CAMTA1: variants seen among roughly 807,000 people sequenced by gnomAD.
CAMTA1 encodes calmodulin-binding transcription activator 1.
In CAMTA1, 27 loss-of-function variants were observed where a neutral mutation model predicts 170.9. That is an observed-to-expected ratio of 0.16 (90% CI 0.12 to 0.22). The LOEUF (loss-of-function observed/expected upper bound fraction) is 0.22, where lower values mean the gene tolerates loss of function less well. CAMTA1 is among the 10% of genes least tolerant of loss of function. The probability of loss-of-function intolerance (pLI) is 1.00; values close to 1 mark genes in which losing one functional copy is unlikely to be tolerated. For synonymous variants in CAMTA1, 833 were observed against 891.5 expected, an observed-to-expected ratio of 0.93 and a Z score of 1.17; for missense variants, 1,619 against 2,217.2, an observed-to-expected ratio of 0.73 and a Z score of 5.42.
intron 3 of CAMTA1, among the ~76,000 whole-genome samples, chr1:7,032,194 A>G (rs890754255): frequency 6.6e-6 from 1 of 151,886 alleles, no homozygotes; most frequent in Non-Finnish European, 1.5e-5. Context: ...TGAACTCCTG[A>G]TCTCAAGAAA....
intron 5 of CAMTA1, among the ~76,000 whole-genome samples, chr1:7,317,835 A>G (rs1304872694): frequency 2.0e-5 from 3 of 152,204 alleles, no homozygotes; most frequent in Non-Finnish European, 4.4e-5. Flanking sequence ...GCATTGGTTA[A>G]AAAAAATAAT....
At chr1:6,869,592 A>G (rs1667794612) in intron 3 of CAMTA1, among the ~76,000 whole-genome samples, 1 of 152,330 alleles carries the variant, frequency 6.6e-6, no homozygotes, top group South Asian at 2.1e-4. Context: ...TGTGAGGGAC[A>G]TAGTAAACTC....
chr1:7,677,846 G>A, intron 11 of CAMTA1, 113 bp downstream of exon 11: 2 of 1,278,358 alleles, frequency 1.6e-6, no homozygotes, highest in Non-Finnish European at 2.1e-6. Flanking sequence ...AGGAAGTGGT[G>A]CCAATGTGAG....
intron 3 of CAMTA1, among the ~76,000 whole-genome samples, chr1:6,921,355 A>G (rs956149903): frequency 1.3e-5 from 2 of 152,326 alleles, no homozygotes; most frequent in East Asian, 1.9e-4. Flanking sequence ...GACCACCTCA[A>G]CCTGGACCTT....
At chr1:7,163,334 C>T (rs543982320) in intron 4 of CAMTA1, among the ~76,000 whole-genome samples, 29 of 94,070 alleles carry the variant, frequency 3.1e-4, no homozygotes, top group South Asian at 1.0e-3. Context: ...GACCAAGGAG[C>T]GGGAGGCCGG....
chr1:7,384,117 C>A (rs565731365), intron 5 of CAMTA1, among the ~76,000 whole-genome samples: 5 of 152,232 alleles, frequency 3.3e-5, no homozygotes, highest in Admixed American at 6.5e-5. Context: ...AAAGCTGTGG[C>A]TTCTCTTGCA....
Position 7,041,056 on chromosome 1 carries a change from G to T in CAMTA1, c.235-50248G>T, listed in dbSNP as rs140527665. On this transcript the variant is annotated intron_variant, in intron 3 of 22. Transcript: ENST00000303635. This position sits in a 1 kb window ranked among gnomAD's most constrained non-coding sequence, Gnocchi z 5.1. ...TTTTTTAAGACAGGTGCGTGTGGGC[G>T]CAGGAGGCGGAGGGCCCTTATGCTG... is the stretch of plus-strand genomic sequence containing the variant. Among the ~76,000 whole-genome samples, 5 of 152,360 alleles carry T rather than the reference G, an allele frequency of 3.3e-5. No individual in the cohort carries two copies. Among genetic ancestry groups the T allele is most frequent in the African/African-American group, 1.2e-4 (5 of 41,590 alleles).
At chr1:7,318,345 G>A in intron 5 of CAMTA1, among the ~76,000 whole-genome samples, 1 of 152,238 alleles carries the variant, frequency 6.6e-6, no homozygotes, top group East Asian at 1.9e-4. Flanking sequence ...TTGGCTGGAA[G>A]TCTCTCTCCT....
At chr1:7,670,078 G>C (rs1006318715) in intron 9 of CAMTA1, among the ~76,000 whole-genome samples, 1 of 152,172 alleles carries the variant, frequency 6.6e-6, no homozygotes, top group East Asian at 1.9e-4. Flanking sequence ...GTTCCTGAGG[G>C]TGGGGTCCTC....
chr1:7,457,335 A>G (rs1156768049), intron 5 of CAMTA1, among the ~76,000 whole-genome samples: 1 of 150,764 alleles, frequency 6.6e-6, no homozygotes, highest in Non-Finnish European at 1.5e-5. Context: ...TGCCCTCCTC[A>G]CTCATGTCGT....
intron 5 of CAMTA1, among the ~76,000 whole-genome samples, chr1:7,298,897 C>T (rs1483722103): frequency 6.6e-6 from 1 of 152,148 alleles, no homozygotes; most frequent in Non-Finnish European, 1.5e-5. Context: ...GCCAACATTT[C>T]ACCCTTCCTT....
chr1:6,977,407 C>G lies in CAMTA1; in HGVS notation c.235-113897C>G, dbSNP rs559900724. Among the ~76,000 whole-genome samples, 75 of 151,908 alleles carry G rather than the reference C, an allele frequency of 4.9e-4. No homozygotes were observed. In the Middle Eastern group the frequency reaches 0.01, roughly 21 times the overall value. ...CCAGGCTGGAGTGCAGTGGCGCAGTCTCGGCTCACTGCAACCTCCACCTCC... is the reference window on the plus strand; with the variant it reads ...CCAGGCTGGAGTGCAGTGGCGCAGTGTCGGCTCACTGCAACCTCCACCTCC... On this transcript the variant is annotated intron_variant, in intron 3 of 22. Transcript: ENST00000303635.
At chr1:7,313,077 C>T (rs1676983364) in intron 5 of CAMTA1, among the ~76,000 whole-genome samples, 1 of 152,112 alleles carries the variant, frequency 6.6e-6, no homozygotes, top group African/African-American at 2.4e-5. Context: ...CACTCTCCCA[C>T]CCCCCAGAAC....
At chr1:6,817,778 G>A (rs540215503) in intron 1 of CAMTA1, among the ~76,000 whole-genome samples, 2 of 152,250 alleles carry the variant, frequency 1.3e-5, no homozygotes, top group East Asian at 3.9e-4. Flanking sequence ...GGTTACAGGC[G>A]TGAGCCACTG....
intron 5 of CAMTA1, among the ~76,000 whole-genome samples, chr1:7,410,296 G>A (rs1048313585): frequency 3.9e-5 from 6 of 152,230 alleles, no homozygotes; most frequent in Admixed American, 2.6e-4. Context: ...CCAAAAACTG[G>A]TGGACATGGG....
intron 5 of CAMTA1, among the ~76,000 whole-genome samples, chr1:7,296,104 C>T (rs947080903): frequency 5.9e-5 from 9 of 152,178 alleles, no homozygotes; most frequent in African/African-American, 2.2e-4. Flanking sequence ...TGGTGAATGC[C>T]ATGTGGGCCT....
intron 4 of CAMTA1, among the ~76,000 whole-genome samples, chr1:7,110,407 C>T (rs959162088): frequency 6.6e-6 from 1 of 152,192 alleles, no homozygotes; most frequent in African/African-American, 2.4e-5. Context: ...TTAATCCTCG[C>T]AACAGCTCTT....
At chr1:7,294,032 G>A (rs1275730801) in intron 5 of CAMTA1, among the ~76,000 whole-genome samples, 1 of 152,196 alleles carries the variant, frequency 6.6e-6, no homozygotes, top group Non-Finnish European at 1.5e-5. Flanking sequence ...AATAATCCAG[G>A]CTTTCCTCAT....
intron 6 of CAMTA1, among the ~76,000 whole-genome samples, chr1:7,501,006 C>G (rs2149799111): frequency 6.6e-6 from 1 of 152,270 alleles, no homozygotes; most frequent in Admixed American, 6.5e-5. Flanking sequence ...TCTGCAGGAC[C>G]AAAGCTGCCT....
Sources: gnomAD v4.1 joint callset for allele counts (sites outside exome capture counted in the v4.1 genomes callset) on GRCh38, gnomAD v4.1.1 for gene constraint, Gnocchi (gnomAD v3.1) non-coding constraint, MANE v1.5 for transcripts, NCBI Gene and HGNC (gene_info 2026-07-23, HGNC 2026-07-21) for gene names.